The following CLCN1 variants were observed in gnomAD, a reference collection of about 807,000 sequenced individuals.
CLCN1 encodes chloride voltage-gated channel 1.
CLCN1 carries 100 observed loss-of-function variants against 114.5 expected under a neutral mutation model. The observed-to-expected ratio is 0.87, with a 90% CI of 0.74 to 1.03. The LOEUF (loss-of-function observed/expected upper bound fraction) is 1.03, where lower values mean the gene tolerates loss of function less well. Ranked by LOEUF, CLCN1 falls within the 50% of genes least tolerant of loss-of-function variation. CLCN1 has a pLI of 0.00. For synonymous variants in CLCN1, 485 were observed against 487.1 expected, an observed-to-expected ratio of 1.00 and a Z score of 0.06; for missense variants, 1,188 against 1,250.0, an observed-to-expected ratio of 0.95 and a Z score of 0.75.
rs375596425 is a variant in CLCN1 at position 143,339,323 on chromosome 7, G to A, written c.1471+1G>A. 2.9e-5 allele frequency: 47 copies of A among 1,610,876 alleles called. No individual in the cohort carries two copies. The highest frequency in any genetic ancestry group is 3.8e-5 in the Non-Finnish European group (45 of 1,177,102). On this transcript the variant is annotated splice_donor_variant, in intron 13 of 22. Coordinates refer to ENST00000343257, the MANE Select transcript of CLCN1 (RefSeq NM_000083.3). LOFTEE classifies it high-confidence loss of function. The surrounding 1 kb of genome is among the most constrained non-coding windows in gnomAD (Gnocchi z 4.1). ...GGCTTCATGCCTGTGTTTGTGCTAG[G>A]TAAGTTCTGATGGGAAGCCTGGGGT...
chr7:143,342,198 G>A (rs893976511), intron 15 of CLCN1, 56 bp downstream of exon 15: 1 of 1,566,722 alleles, frequency 6.4e-7, no homozygotes, highest in Non-Finnish European at 8.8e-7. Context: ...GGGAGGTTCT[G>A]AGGCTGAGAC....
intron 10 of CLCN1, 64 bp from the exon 11 acceptor site, chr7:143,332,355 C>A: frequency 2.5e-6 from 3 of 1,198,026 alleles, no homozygotes; most frequent in Non-Finnish European, 3.8e-6. Context: ...AGCTTGCCAT[C>A]GTTCAGTATG....
chr7:143,317,967 G>A (rs182047876), intron 1 of CLCN1, among the ~76,000 whole-genome samples: 8 of 152,312 alleles, frequency 5.3e-5, no homozygotes, highest in East Asian at 3.9e-4. Flanking sequence ...GACAGTTCTC[G>A]TGTTGGGAAG....
Position 143,351,576 on chromosome 7 carries a change from T to C in CLCN1, c.2596-18T>C. On this transcript the variant is annotated intron_variant, in intron 22 of 22. Coordinates refer to ENST00000343257, the MANE Select transcript of CLCN1 (RefSeq NM_000083.3). ...TTTCCAACTTTTTACCCTCTTTTCCTTTCCCACTGCTCTTCAGCTACAGAA... is the reference window on the plus strand; with the variant it reads ...TTTCCAACTTTTTACCCTCTTTTCCCTTCCCACTGCTCTTCAGCTACAGAA... The C allele has an allele frequency of 6.2e-7, 1 of 1,613,862 alleles. No individual in the cohort carries two copies. The highest frequency in any genetic ancestry group is 8.5e-7 in the Non-Finnish European group (1 of 1,179,970).
chr7:143,350,402 C>T lies in CLCN1; in HGVS notation c.2434C>T (p.Gln812Ter), dbSNP rs772150974. Residue 812 changes from glutamine (Q) to a stop codon, truncating the protein, a stop_gained, in exon 21 of 23, where the codon CAG (glutamine) becomes TAG (stop). Coordinates refer to ENST00000343257, the MANE Select transcript of CLCN1 (RefSeq NM_000083.3). LOFTEE classifies it high-confidence loss of function. The surrounding 1 kb of genome is among the most constrained non-coding windows in gnomAD (Gnocchi z 5.1). ...GGCCTGGGAGCAGGAGCAGCTGAGCCAGCCTGTCTGTTTTGATTCCTGCTG... is the reference window on the plus strand; with the variant it reads ...GGCCTGGGAGCAGGAGCAGCTGAGCTAGCCTGTCTGTTTTGATTCCTGCTG... Reference protein sequence around the residue: ...IEAWEQEQLSQPVCFDSCCID... With the variant: ...IEAWEQEQLS The T allele has an allele frequency of 7.4e-6, 12 of 1,614,168 alleles. No homozygotes were observed. In the South Asian group the frequency reaches 8.8e-5, roughly 12 times the overall value.
At position 143,346,113 on chromosome 7, in the gene CLCN1, G is replaced by A. The variant is rs769489980; in HGVS notation, c.2173-27G>A. 28 of 1,456,722 alleles carry A rather than the reference G, an allele frequency of 1.9e-5. No homozygotes were observed. The East Asian group carries it at 6.1e-4, about 32-fold the overall frequency. 90.2% of individuals were successfully genotyped at this position (1,456,722 alleles called of 1,614,324 possible). A position where few individuals can be genotyped will look rare whatever the true frequency, so the allele number is the denominator to read the frequency against. Reference sequence around the variant, plus strand: ...AGGCCCAGGCAGTCTCTGCTCCCAGGCTGAGACTTCTTACTCTTCCTTACA... The same window carrying A: ...AGGCCCAGGCAGTCTCTGCTCCCAGACTGAGACTTCTTACTCTTCCTTACA... On this transcript the variant is annotated intron_variant, in intron 17 of 22. Coordinates refer to ENST00000343257, the MANE Select transcript of CLCN1 (RefSeq NM_000083.3).
Position 143,346,609 on chromosome 7 carries a change from T to C in CLCN1, c.2315T>C (p.Leu772Pro). 1 of 1,613,990 alleles carries C rather than the reference T, an allele frequency of 6.2e-7. No homozygotes were observed. Among genetic ancestry groups the C allele is most frequent in the Non-Finnish European group, 8.5e-7 (1 of 1,179,968 alleles). ...GQRPSIFQSL[L>P]HCLLGRARPT... is the part of the protein sequence containing the mutation. ...AGACCCTCCATCTTCCAGTCCCTGC[T>C]TCACTGCTTGCTGGGCAGAGCTCGC... The change falls in exon 19 of 23, where the codon CTT becomes CCT. Residue 772 changes from leucine (L) to proline (P), a missense_variant. By Grantham distance (98) the Leu-to-Pro change is moderately conservative. Transcript: ENST00000343257.
chr7:143,323,508 C>G (rs973202910), intron 6 of CLCN1, 122 bp downstream of exon 6: 20 of 765,534 alleles, frequency 2.6e-5, no homozygotes, highest in Non-Finnish European at 4.3e-5. Flanking sequence ...CAGCATCGCA[C>G]TAATCCACGC....
chr7:143,316,238 G>A lies in CLCN1; in HGVS notation c.26G>A (p.Arg9His), dbSNP rs115379077. 2,144 of 1,613,654 alleles carry A rather than the reference G, an allele frequency of 1.3e-3. 15 individuals are homozygous for A. The African/African-American group carries it at 0.025, about 19-fold the overall frequency. Residue 9 changes from arginine (R) to histidine (H), a missense_variant, in exon 1 of 23, where the codon CGT (arginine) becomes CAT (histidine). Transcript: ENST00000343257. MEQSRSQQ[R>H]GGEQSWWGSD... is the part of the protein sequence containing the mutation. The stretch of plus-strand genomic sequence containing the variant: ...ATGGAGCAATCCCGGTCACAGCAGC[G>A]TGGGGGTGAACAAAGCTGGTGGGGT...
rs567389676 is a variant in CLCN1 at position 143,319,661 on chromosome 7, T to G, written c.181-94T>G. 2,367 of 1,366,592 alleles carry G rather than the reference T, an allele frequency of 1.7e-3. 3 individuals carry two copies. The highest frequency in any genetic ancestry group is 2.0e-3 in the Non-Finnish European group (1,893 of 959,724). 84.7% of individuals were successfully genotyped at this position (1,366,592 alleles called of 1,614,324 possible). On this transcript the variant is annotated intron_variant, in intron 1 of 22. Transcript: ENST00000343257. The stretch of plus-strand genomic sequence containing the variant: ...CAACACCCAGAATTCAAAAAGCTGT[T>G]GTTCTTTTCTTCTGTGAGTCTGTCT...
At chr7:143,322,562 G>A (rs1802469704) in intron 5 of CLCN1, among the ~76,000 whole-genome samples, 1 of 152,208 alleles carries the variant, frequency 6.6e-6, no homozygotes, top group Non-Finnish European at 1.5e-5. Context: ...TAGCTCGCTT[G>A]CCCAAGCTGG....
chr7:143,325,981 G>T (rs74686986), intron 7 of CLCN1, among the ~76,000 whole-genome samples: 1 of 152,060 alleles, frequency 6.6e-6, no homozygotes, highest in Non-Finnish European at 1.5e-5. Context: ...AATGACAAAG[G>T]TATTTGCAGG....
chr7:143,320,566 T>G, intron 2 of CLCN1, 98 bp from the exon 3 acceptor site: 3 of 1,008,572 alleles, frequency 3.0e-6, no homozygotes, highest in East Asian at 2.8e-5. Context: ...TCTCTCTCTC[T>G]CTCTCTCTCT....
chr7:143,321,984 G>A lies in CLCN1; in HGVS notation c.696+136G>A. ...GGCCAGGGCCAGGGGACACTAGGAA[G>A]GGGAAATGCTTTGGAAGTTCCTCCA... On this transcript the variant is annotated intron_variant, in intron 5 of 22. Coordinates refer to ENST00000343257, the MANE Select transcript of CLCN1 (RefSeq NM_000083.3). This position sits in a 1 kb window ranked among gnomAD's most constrained non-coding sequence, Gnocchi z 4.2. The A allele has an allele frequency of 2.0e-6, 2 of 998,672 alleles. No homozygotes were observed. The highest frequency in any genetic ancestry group is 2.9e-6 in the Non-Finnish European group (2 of 691,098). 61.9% of individuals were successfully genotyped at this position (998,672 alleles called of 1,614,324 possible).
chr7:143,332,661 T>C (rs976848636), intron 11 of CLCN1, 63 bp from the exon 12 acceptor site: 6 of 1,598,156 alleles, frequency 3.8e-6, no homozygotes, highest in African/African-American at 1.3e-5. Flanking sequence ...GAATAAGTTC[T>C]CTAAAAAAGG....
chr7:143,348,901 A>G (rs1803322814), intron 20 of CLCN1, among the ~76,000 whole-genome samples: 1 of 152,214 alleles, frequency 6.6e-6, no homozygotes, highest in Non-Finnish European at 1.5e-5. Context: ...GCCCAGCTCC[A>G]CCAATTACTG....
chr7:143,327,122 T>C (rs1802593708), intron 7 of CLCN1, among the ~76,000 whole-genome samples: 1 of 152,090 alleles, frequency 6.6e-6, no homozygotes, highest in Non-Finnish European at 1.5e-5. Flanking sequence ...GGCAGGCACT[T>C]GTAGTCCCAG....
rs572204822 is a variant in CLCN1, at chr7:143,350,958, A to G, written c.2595+304A>G. Among the ~76,000 whole-genome samples the G allele has an allele frequency of 6.6e-6, 1 of 152,122 alleles. No individual in the cohort carries two copies. The highest frequency in any genetic ancestry group is 1.5e-5 in the Non-Finnish European group (1 of 67,994). ...ACACCCGCTAATTTTTTGTATTTTT[A>G]GTAGAGACGGGGTTTTGCCATGTTG... On this transcript the variant is annotated intron_variant, in intron 22 of 22. Transcript: ENST00000343257. This position sits in a 1 kb window ranked among gnomAD's most constrained non-coding sequence, Gnocchi z 5.1.
intron 12 of CLCN1, among the ~76,000 whole-genome samples, chr7:143,337,666 T>G (rs1210803493): frequency 3.3e-5 from 5 of 152,196 alleles, no homozygotes; most frequent in Non-Finnish European, 7.3e-5. Context: ...TTGAGATCCA[T>G]TTCTGAAATT....
Sources: allele counts gnomAD v4.1 joint callset (sites outside exome capture counted in the v4.1 genomes callset), GRCh38; gene constraint gnomAD v4.1.1; non-coding constraint Gnocchi (gnomAD v3.1); transcripts MANE v1.5; gene names NCBI Gene and HGNC (gene_info 2026-07-23, HGNC 2026-07-21).